The following GATAD2B variants were observed in gnomAD, a reference collection of about 807,000 sequenced individuals.
GATAD2B encodes the protein GATA zinc finger domain containing 2B.
Under a neutral mutation model 64.3 loss-of-function variants are expected in GATAD2B, and 8 were observed. That is an observed-to-expected ratio of 0.12 (90% CI 0.07 to 0.22). The LOEUF (loss-of-function observed/expected upper bound fraction) is 0.22. GATAD2B is among the 10% of genes least tolerant of loss of function. The probability of loss-of-function intolerance (pLI) is 1.00; values close to 1 mark genes in which losing one functional copy is unlikely to be tolerated. For synonymous variants in GATAD2B, 281 were observed against 271.3 expected, an observed-to-expected ratio of 1.04 and a Z score of -0.35; for missense variants, 453 against 752.0, an observed-to-expected ratio of 0.60 and a Z score of 4.65.
intron 1 of GATAD2B, among the ~76,000 whole-genome samples, chr1:153,876,624 C>CT (rs1676845215): frequency 6.6e-6 from 1 of 152,208 alleles, no homozygotes; most frequent in Non-Finnish European, 1.5e-5. Flanking sequence ...AGGAGGTAAA[C>CT]AGCTTTCTCC....
intron 1 of GATAD2B, among the ~76,000 whole-genome samples, chr1:153,836,347 T>C (rs1368606966): frequency 6.8e-6 from 1 of 146,664 alleles, no homozygotes; most frequent in Non-Finnish European, 1.5e-5. Context: ...GCCTCCCAGG[T>C]TCAAGTGATT....
chr1:153,843,696 A>G (rs894842676), intron 1 of GATAD2B, among the ~76,000 whole-genome samples: 6 of 151,924 alleles, frequency 3.9e-5, no homozygotes, highest in Non-Finnish European at 7.4e-5. Context: ...CTCCACCTCA[A>G]CATTTAGGGA....
In GATAD2B at chr1:153,852,381, G is replaced by T. The variant is rs1197913958; in HGVS notation, c.-1-24033C>A. On this transcript the variant is annotated intron_variant, in intron 1 of 10. Coordinates refer to ENST00000368655, the MANE Select transcript of GATAD2B (RefSeq NM_020699.4). ...CGCCTGCCATCACCCTCATATGCTT[G>T]GCCTGACCTTGGATGTTCTGTGGTC... 7.3e-6 allele frequency: 6 copies of T among 826,290 alleles called. No individual in the cohort carries two copies. In the Admixed American group the frequency reaches 8.6e-5, roughly 12 times the overall value. 51.2% of individuals were successfully genotyped at this position (826,290 alleles called of 1,614,324 possible). A position where few individuals can be genotyped will look rare whatever the true frequency, so the allele number is the denominator to read the frequency against.
In GATAD2B at chr1:153,808,993, C is replaced by G. The variant is rs1674195878; in HGVS notation, c.*1184G>C. The G allele has an allele frequency of 6.6e-6, 1 of 152,078 alleles. No individual in the cohort carries two copies. The highest frequency in any genetic ancestry group is 2.1e-4 in the South Asian group (1 of 4,824). The allele number at this position is 152,078 out of a possible 1,614,324, so 9.4% of individuals were successfully genotyped here. A position where few individuals can be genotyped will look rare whatever the true frequency, so the allele number is the denominator to read the frequency against. ...CAACCTGATTGTGTACCCCCAGCCTCTCATCTCCTGGCACTCAGAGGGTGA... is the reference window on the plus strand; with the variant it reads ...CAACCTGATTGTGTACCCCCAGCCTGTCATCTCCTGGCACTCAGAGGGTGA... On this transcript the variant is annotated 3_prime_UTR_variant, in exon 11 of 11. Coordinates refer to ENST00000368655, the MANE Select transcript of GATAD2B (RefSeq NM_020699.4).
In GATAD2B at chr1:153,840,287, G is replaced by A. The variant is rs537077175; in HGVS notation, c.-1-11939C>T. 2.9e-3 allele frequency among the ~76,000 whole-genome samples: 429 copies of A among 148,046 alleles called. 3 individuals carry two copies. The highest frequency in any genetic ancestry group is 0.012 in the Middle Eastern group (3 of 252). ...TGACCTCAGGTGATCCACCTGCCTC[G>A]GCCTCCCAAAGTGCTGGGGTTACAG... On this transcript the variant is annotated intron_variant, in intron 1 of 10. Transcript: ENST00000368655.
intron 1 of GATAD2B, among the ~76,000 whole-genome samples, chr1:153,862,285 G>A (rs1484496347): frequency 6.6e-6 from 1 of 151,610 alleles, no homozygotes; most frequent in Non-Finnish European, 1.5e-5. Context: ...GTCACACCCA[G>A]CTAATTTTTT....
At chr1:153,883,893 T>C (rs1305734363) in intron 1 of GATAD2B, among the ~76,000 whole-genome samples, 1 of 152,188 alleles carries the variant, frequency 6.6e-6, no homozygotes, top group East Asian at 1.9e-4. Context: ...CTTCAGAGCC[T>C]TGGAAAATTA....
intron 1 of GATAD2B, among the ~76,000 whole-genome samples, chr1:153,897,288 G>T (rs905143160): frequency 6.6e-6 from 1 of 151,778 alleles, no homozygotes; most frequent in Non-Finnish European, 1.5e-5. Flanking sequence ...CTCGGCCTCC[G>T]AAAGTGCTGG....
intron 1 of GATAD2B, among the ~76,000 whole-genome samples, chr1:153,885,692 C>T (rs988673757): frequency 2.0e-5 from 3 of 151,876 alleles, no homozygotes; most frequent in African/African-American, 7.3e-5. Context: ...GAAACCCCAT[C>T]TCTACTAAAA....
Position 153,816,601 on chromosome 1 carries a change from G to A in GATAD2B, c.901-13C>T. The A allele has an allele frequency of 6.3e-7, 1 of 1,582,880 alleles. No individual in the cohort carries two copies. The highest frequency in any genetic ancestry group is 8.7e-7 in the Non-Finnish European group (1 of 1,153,900). On this transcript the variant is annotated splice_polypyrimidine_tract_variant and intron_variant, in intron 6 of 10. Coordinates refer to ENST00000368655, the MANE Select transcript of GATAD2B (RefSeq NM_020699.4). The surrounding 1 kb of genome is among the most constrained non-coding windows in gnomAD (Gnocchi z 4.9). ...AAGAACTTGACTGCTGAAATAGATT[G>A]AGAATGCGGTCAATCATGGTATGCA...
rs370706373 is a variant in GATAD2B, at chr1:153,816,762, G to T, written c.901-174C>A. Among the ~76,000 whole-genome samples, 4 of 152,318 alleles carry T rather than the reference G, an allele frequency of 2.6e-5. No homozygotes were observed. The highest frequency in any genetic ancestry group is 9.6e-5 in the African/African-American group (4 of 41,574). On this transcript the variant is annotated intron_variant, in intron 6 of 10. Coordinates refer to ENST00000368655, the MANE Select transcript of GATAD2B (RefSeq NM_020699.4). The surrounding 1 kb of genome is among the most constrained non-coding windows in gnomAD (Gnocchi z 4.9). ...ACTCTGACACATAGGAAAGGAGAATGATGATGACCATGAGCTAACATTGCT... is the reference window on the plus strand; with the variant it reads ...ACTCTGACACATAGGAAAGGAGAATTATGATGACCATGAGCTAACATTGCT...
chr1:153,815,092 A>AAAAAAG (rs1398088043), intron 7 of GATAD2B, among the ~76,000 whole-genome samples: 1 of 132,564 alleles, frequency 7.5e-6, no homozygotes, highest in Non-Finnish European at 1.7e-5. Context: ...AAAAAAAAAA[A>AAAAAAG]AAAAAAAAAA....
At chr1:153,916,178 G>A (rs1181055981) in intron 1 of GATAD2B, among the ~76,000 whole-genome samples, 2 of 151,802 alleles carry the variant, frequency 1.3e-5, no homozygotes, top group Non-Finnish European at 2.9e-5. Context: ...CTACTCAGGA[G>A]GCTGAAGCAG....
chr1:153,889,273 G>A (rs755301966), intron 1 of GATAD2B, among the ~76,000 whole-genome samples: 6 of 151,716 alleles, frequency 4.0e-5, no homozygotes, highest in Admixed American at 6.6e-5. Context: ...TTAGCAGGGC[G>A]TGGTGGCACA....
At chr1:153,880,299 TA>T (rs1198836993) in intron 1 of GATAD2B, among the ~76,000 whole-genome samples, 1 of 150,316 alleles carries the variant, frequency 6.7e-6, no homozygotes, top group Non-Finnish European at 1.5e-5. Flanking sequence ...CTGTCTCTAC[TA>T]AAAAAAAATT....
rs925659771 is a variant in GATAD2B at position 153,810,078 on chromosome 1, T to C, written c.*99A>G. 8.6e-7 allele frequency: 1 copy of C among 1,167,342 alleles called. No individual in the cohort carries two copies. 72.3% of individuals were successfully genotyped at this position (1,167,342 alleles called of 1,614,324 possible). A position where few individuals can be genotyped will look rare whatever the true frequency, so the allele number is the denominator to read the frequency against. ...TTTCTGTTTTGCTTTCCGTGTATGG[T>C]AGGCACCAGTACAGGCACTGCATGC... On this transcript the variant is annotated 3_prime_UTR_variant, in exon 11 of 11. Transcript: ENST00000368655.
At chr1:153,819,810 C>G in intron 2 of GATAD2B, 75 bp from the exon 3 acceptor site, 1 of 1,376,770 alleles carries the variant, frequency 7.3e-7, no homozygotes, top group Non-Finnish European at 9.9e-7. Flanking sequence ...TAAAAAAATC[C>G]AAGGGGGGCC....
chr1:153,883,494 C>A (rs1677066595), intron 1 of GATAD2B, among the ~76,000 whole-genome samples: 1 of 152,220 alleles, frequency 6.6e-6, no homozygotes, highest in South Asian at 2.1e-4. Context: ...TATCATTTTA[C>A]AACATAAAGG....
intron 1 of GATAD2B, among the ~76,000 whole-genome samples, chr1:153,841,917 G>A (rs1302735201): frequency 6.6e-6 from 1 of 152,134 alleles, no homozygotes; most frequent in South Asian, 2.1e-4. Context: ...CAATGTATGA[G>A]AAATCCAGGT....
Sources: allele counts gnomAD v4.1 joint callset (sites outside exome capture counted in the v4.1 genomes callset), GRCh38; gene constraint gnomAD v4.1.1; non-coding constraint Gnocchi (gnomAD v3.1); transcripts MANE v1.5; gene names NCBI Gene and HGNC (gene_info 2026-07-23, HGNC 2026-07-21).